Variants in RTTN observed in about 807,000 individuals in gnomAD.
The protein encoded by RTTN is rotatin.
In RTTN, 182 loss-of-function variants were observed where a neutral mutation model predicts 269.2. The ratio of observed to expected loss-of-function variants is 0.68; its 90% confidence interval spans 0.60 to 0.76. The LOEUF is 0.76. RTTN is among the 30% of genes least tolerant of loss of function. The probability of loss-of-function intolerance (pLI) is 0.00; values close to 1 mark genes in which losing one functional copy is unlikely to be tolerated. For missense variants in RTTN, 2,545 were observed against 2,608.6 expected, an observed-to-expected ratio of 0.98 and a Z score of 0.53; for synonymous variants, 1,006 against 963.5, an observed-to-expected ratio of 1.04 and a Z score of -0.82.
intron 14 of RTTN, among the ~76,000 whole-genome samples, chr18:70,163,778 A>C (rs548364847): frequency 6.6e-6 from 1 of 152,292 alleles, no homozygotes; most frequent in African/African-American, 2.4e-5. Flanking sequence ...ATTTCCTTTA[A>C]GTGTCATTTC....
intron 21 of RTTN, among the ~76,000 whole-genome samples, chr18:70,139,243 A>C (rs1052307739): frequency 6.6e-6 from 1 of 152,220 alleles, no homozygotes; most frequent in African/African-American, 2.4e-5. Context: ...CAAAGGTATA[A>C]GCAAAACAAG....
intron 10 of RTTN, among the ~76,000 whole-genome samples, chr18:70,177,333 A>C (rs1219602936): frequency 3.3e-5 from 5 of 152,242 alleles, no homozygotes; most frequent in African/African-American, 9.6e-5. Context: ...GAAATGCATC[A>C]AGGAAAGTCA....
intron 40 of RTTN, among the ~76,000 whole-genome samples, chr18:70,033,633 A>T (rs2144651344): frequency 6.6e-6 from 1 of 152,308 alleles, no homozygotes; most frequent in Non-Finnish European, 1.5e-5. Flanking sequence ...GGAAGATCTC[A>T]AGTTTGCACC....
chr18:70,102,940 GT>G (rs2059210623), intron 28 of RTTN, among the ~76,000 whole-genome samples: 1 of 151,132 alleles, frequency 6.6e-6, no homozygotes, highest in Non-Finnish European at 1.5e-5. Flanking sequence ...CGGGCGCCCC[GT>G]CTGGGAAGTG....
chr18:70,135,819 C>T (rs943170342), intron 21 of RTTN, among the ~76,000 whole-genome samples: 1 of 152,140 alleles, frequency 6.6e-6, no homozygotes, highest in Non-Finnish European at 1.5e-5. Flanking sequence ...AAGGGAAGTG[C>T]TCTGAATGGA....
intron 37 of RTTN, among the ~76,000 whole-genome samples, chr18:70,057,537 T>C (rs1464006867): frequency 6.6e-6 from 1 of 152,224 alleles, no homozygotes; most frequent in Admixed American, 6.5e-5. Flanking sequence ...GAATAGAATC[T>C]AGGTCTTCAA....
chr18:70,157,011 T>C (rs1236671236), intron 14 of RTTN, among the ~76,000 whole-genome samples: 2 of 152,144 alleles, frequency 1.3e-5, no homozygotes, highest in African/African-American at 4.8e-5. Context: ...AGCCACCCCA[T>C]AGGTCTTTTG....
chr18:70,021,025 A>G (rs1411925917), intron 44 of RTTN: 2 of 427,228 alleles, frequency 4.7e-6, no homozygotes, highest in Non-Finnish European at 8.3e-6. Context: ...TCACTAAAGC[A>G]CTTTAAGACA....
chr18:70,082,086 A>C (rs1005500296), intron 32 of RTTN, among the ~76,000 whole-genome samples: 1 of 152,162 alleles, frequency 6.6e-6, no homozygotes, highest in Admixed American at 6.5e-5. Context: ...TAAAGTTTAA[A>C]AAGTCTGTGT....
intron 46 of RTTN, among the ~76,000 whole-genome samples, chr18:70,014,799 T>A (rs549615083): frequency 3.3e-5 from 5 of 152,266 alleles, no homozygotes; most frequent in Admixed American, 2.6e-4. Context: ...CCAGTAAGAA[T>A]CCCCACTTTG....
chr18:70,111,455 C>G (rs982434399), intron 27 of RTTN, among the ~76,000 whole-genome samples: 1 of 152,038 alleles, frequency 6.6e-6, no homozygotes, highest in African/African-American at 2.4e-5. Context: ...TCCAGCAGAC[C>G]GGCAGCACAT....
chr18:70,021,964 G>T (rs993855675), intron 44 of RTTN, among the ~76,000 whole-genome samples: 1 of 152,042 alleles, frequency 6.6e-6, no homozygotes, highest in African/African-American at 2.4e-5. Flanking sequence ...ACTGAGTGTT[G>T]TTAGAAGAAA....
intron 35 of RTTN, among the ~76,000 whole-genome samples, chr18:70,063,489 C>T (rs1237810741): frequency 6.6e-6 from 1 of 152,100 alleles, no homozygotes; most frequent in Non-Finnish European, 1.5e-5. Context: ...TTACTTGAGT[C>T]CAGGTGTTCG....
rs2146208517 is a variant in RTTN, at chr18:70,205,240, T to A, written c.107A>T (p.Tyr36Phe). The A allele has an allele frequency of 1.2e-6, 2 of 1,614,228 alleles. No homozygotes were observed. Among genetic ancestry groups the A allele is most frequent in the East Asian group, 4.5e-5 (2 of 44,880 alleles). Reference sequence around the variant, plus strand: ...TTGCCTCTCCTGAATGAGATCAGCGTAGCAGATTAAGTTGTGCTCAATCTT... The same window carrying A: ...TTGCCTCTCCTGAATGAGATCAGCGAAGCAGATTAAGTTGTGCTCAATCTT... ...LCKIEHNLIC[Y>F]ADLIQERQLF... The change falls in exon 2 of 49, where the codon TAC (tyrosine) becomes TTC (phenylalanine). Residue 36 changes from tyrosine to phenylalanine, a missense_variant. Tyr to Phe is a conservative substitution (Grantham distance 22, BLOSUM62 3). Coordinates refer to ENST00000640769, the MANE Select transcript of RTTN (RefSeq NM_173630.4).
chr18:70,042,366 C>CTTTTTTT (rs1017125527), intron 40 of RTTN, among the ~76,000 whole-genome samples: 15 of 78,072 alleles, frequency 1.9e-4, no homozygotes, highest in Non-Finnish European at 2.1e-4. Context: ...TTGGAATTTT[C>CTTTTTTT]TTTTTTTTTT....
rs535363253 is a variant in RTTN, at chr18:70,048,058, T to C, written c.5454A>G (p.Leu1818=). 4.3e-6 allele frequency: 7 copies of C among 1,614,136 alleles called. No homozygotes were observed. The Admixed American group carries it at 1.2e-4, about 27-fold the overall frequency. Residue 1818 remains leucine (L), a synonymous_variant, in exon 40 of 49, where the codon TTA becomes TTG. Transcript: ENST00000640769. ...GHLQAKSKTH[L]CCSPTVASLL... is the part of the protein sequence containing the mutation. ...GTGAAGCCACTGTTGGACTACAGCA[T>C]AAATGTGTTTTGCTCTTAGCCTGGA... is the stretch of plus-strand genomic sequence containing the variant.
intron 2 of RTTN, 135 bp from the exon 3 acceptor site, chr18:70,204,398 C>T (rs973387332): frequency 8.1e-6 from 6 of 740,136 alleles, no homozygotes; most frequent in African/African-American, 5.3e-5. Context: ...GGCTCTGCCC[C>T]GAAGTAAGGC....
At chr18:70,057,707 G>A (rs780929043) in intron 37 of RTTN, 35 bp downstream of exon 37, 17 of 1,554,194 alleles carry the variant, frequency 1.1e-5, no homozygotes, top group East Asian at 2.2e-5. Flanking sequence ...GACACCTAAC[G>A]TAAACAAACC....
chr18:70,015,626 CTG>C lies in RTTN; in HGVS notation c.6421+1779_6421+1780del, dbSNP rs144635377. Among the ~76,000 whole-genome samples the C allele has an allele frequency of 5.9e-5, 9 of 152,258 alleles. No individual in the cohort carries two copies. The East Asian group carries it at 1.7e-3, about 29-fold the overall frequency. ...CCTGAAAAGCCCACTGATCTCTAGTCTGTGGGCTAGGGGAAGCTTCTCACCAA... is the reference window on the plus strand; with the variant it reads ...CCTGAAAAGCCCACTGATCTCTAGTCTGGGCTAGGGGAAGCTTCTCACCAA... On this transcript the variant is annotated intron_variant, in intron 46 of 48. Coordinates refer to ENST00000640769, the MANE Select transcript of RTTN (RefSeq NM_173630.4).
Sources: allele counts gnomAD v4.1 joint callset (sites outside exome capture counted in the v4.1 genomes callset), GRCh38; gene constraint gnomAD v4.1.1; transcripts MANE v1.5; gene names NCBI Gene and HGNC (gene_info 2026-07-23, HGNC 2026-07-21).